Variants in RBFOX1 observed in about 807,000 individuals in gnomAD.
RBFOX1 encodes the protein RNA binding protein fox-1 homolog 1.
RBFOX1 carries 8 observed loss-of-function variants against 57.7 expected under a neutral mutation model. The observed-to-expected ratio is 0.14, with a 90% CI of 0.08 to 0.25. The LOEUF is 0.25. Among genes scored for constraint, RBFOX1 ranks in the 10% least tolerant of loss-of-function variants. The pLI, the probability that RBFOX1 is intolerant of heterozygous loss-of-function variation, is 1.00. For synonymous variants in RBFOX1, 326 were observed against 222.4 expected, an observed-to-expected ratio of 1.47 and a Z score of -4.15; for missense variants, 611 against 548.5, an observed-to-expected ratio of 1.11 and a Z score of -1.14.
At chr16:7,681,500 C>T (rs570048217) in intron 14 of RBFOX1, among the ~76,000 whole-genome samples, 22 of 152,212 alleles carry the variant, frequency 1.4e-4, no homozygotes, top group East Asian at 1.4e-3. Context: ...TAGAGAAAGG[C>T]TGTCATGAAA....
At position 5,792,145 on chromosome 16, in the gene RBFOX1, G is replaced by A. The variant is rs2054723731; in HGVS notation, c.319-75158G>A. Among the ~76,000 whole-genome samples the A allele has an allele frequency of 2.0e-5, 3 of 152,328 alleles. No individual in the cohort carries two copies. In the South Asian group the frequency reaches 6.2e-4, roughly 32 times the overall value. ...AGTGATTTTAAAGCCCGGGACCCCA[G>A]TCTAAGGGGCTGATAAAAGAGAACC... On this transcript the variant is annotated intron_variant, in intron 3 of 19. Transcript: ENST00000641259.
At chr16:6,963,724 A>C (rs2083484394) in intron 3 of RBFOX1, among the ~76,000 whole-genome samples, 2 of 152,088 alleles carry the variant, frequency 1.3e-5, no homozygotes, top group South Asian at 2.1e-4. Flanking sequence ...TTTGAGATGG[A>C]GTCTTGCTCT....
intron 11 of RBFOX1, among the ~76,000 whole-genome samples, chr16:7,632,986 T>G (rs1362426414): frequency 6.6e-6 from 1 of 152,198 alleles, no homozygotes; most frequent in African/African-American, 2.4e-5. Context: ...ATGAAAATAT[T>G]TCCCAAATTC....
At chr16:7,486,339 G>A (rs2065388720) in intron 4 of RBFOX1, among the ~76,000 whole-genome samples, 1 of 151,726 alleles carries the variant, frequency 6.6e-6, no homozygotes, top group African/African-American at 2.4e-5. Flanking sequence ...CACCATGTTG[G>A]CCAGGCTGGT....
At chr16:7,392,525 G>C (rs927522733) in intron 4 of RBFOX1, among the ~76,000 whole-genome samples, 1 of 152,168 alleles carries the variant, frequency 6.6e-6, no homozygotes, top group African/African-American at 2.4e-5. Context: ...GAGATATTTA[G>C]GGTCAAGGAA....
At position 6,867,634 on chromosome 16, in the gene RBFOX1, G is replaced by A. The variant is rs147030591; in HGVS notation, c.-15-184423G>A. Among the ~76,000 whole-genome samples the A allele has an allele frequency of 5.2e-3, 792 of 152,230 alleles. 7 individuals carry two copies. The highest frequency in any genetic ancestry group is 0.018 in the African/African-American group (739 of 41,544). ...CTTGGGAGGCTCAGGCAGCAGGATC[G>A]CTTGAACCCGGGAGGCAGAGGTTGC... On this transcript the variant is annotated intron_variant, in intron 3 of 15. Coordinates refer to ENST00000550418, the MANE Select transcript of RBFOX1 (RefSeq NM_018723.4).
chr16:5,728,218 C>T (rs982713774), intron 3 of RBFOX1, among the ~76,000 whole-genome samples: 1 of 152,202 alleles, frequency 6.6e-6, no homozygotes, highest in Non-Finnish European at 1.5e-5. Flanking sequence ...TGTCCATTGA[C>T]AGAGAACGAA....
At chr16:7,193,813 A>C (rs533026087) in intron 4 of RBFOX1, among the ~76,000 whole-genome samples, 178 of 152,338 alleles carry the variant, frequency 1.2e-3, no homozygotes, top group Non-Finnish European at 2.3e-3. Flanking sequence ...ATATTATGGT[A>C]ATGTATTTAC....
chr16:6,848,018 C>A (rs2093853491), intron 3 of RBFOX1, among the ~76,000 whole-genome samples: 1 of 151,994 alleles, frequency 6.6e-6, no homozygotes, highest in African/African-American at 2.4e-5. Context: ...TTAATAGAGA[C>A]ACGGGGTCTT....
chr16:7,341,940 G>T (rs556924851), intron 4 of RBFOX1, among the ~76,000 whole-genome samples: 1 of 152,080 alleles, frequency 6.6e-6, no homozygotes, highest in South Asian at 2.1e-4. Flanking sequence ...TGTGGGAGAA[G>T]GTGTTGCTTG....
rs975091942 is a variant in RBFOX1, at chr16:6,895,650, A to G, written c.-15-156407A>G. Among the ~76,000 whole-genome samples the G allele has an allele frequency of 5.3e-5, 8 of 151,708 alleles. No homozygotes were observed. In the East Asian group the frequency reaches 7.8e-4, roughly 15 times the overall value. On this transcript the variant is annotated intron_variant, in intron 3 of 15. Transcript: ENST00000550418. Reference sequence around the variant, plus strand: ...GAGTCATAGATCCTTGACAATGCCAATGTTTTGTGGAAAGGAGGCAAAAGT... The same window carrying G: ...GAGTCATAGATCCTTGACAATGCCAGTGTTTTGTGGAAAGGAGGCAAAAGT...
At chr16:6,166,210 T>C (rs2096915773) in intron 1 of RBFOX1, among the ~76,000 whole-genome samples, 1 of 152,192 alleles carries the variant, frequency 6.6e-6, no homozygotes, top group Non-Finnish European at 1.5e-5. Flanking sequence ...GACCTATTGC[T>C]AAAACGTCTT....
At chr16:7,424,835 G>C (rs1043896966) in intron 4 of RBFOX1, among the ~76,000 whole-genome samples, 4 of 152,068 alleles carry the variant, frequency 2.6e-5, no homozygotes, top group South Asian at 2.1e-4. Flanking sequence ...TTCAGGTTCT[G>C]GGTCTCCCTC....
At chr16:6,416,801 C>T (rs1298659966) in intron 2 of RBFOX1, among the ~76,000 whole-genome samples, 1 of 152,132 alleles carries the variant, frequency 6.6e-6, no homozygotes, top group Non-Finnish European at 1.5e-5. Flanking sequence ...AAACAGGTTG[C>T]AGTGCTGGTA....
chr16:5,445,799 C>G (rs191276753), intron 1 of RBFOX1, among the ~76,000 whole-genome samples: 10 of 152,356 alleles, frequency 6.6e-5, no homozygotes, highest in Non-Finnish European at 1.2e-4. Context: ...GAGGAACATG[C>G]TGACCCATAC....
chr16:7,664,046 T>G (rs1433825358), intron 12 of RBFOX1, among the ~76,000 whole-genome samples: 2 of 152,198 alleles, frequency 1.3e-5, no homozygotes, highest in Non-Finnish European at 2.9e-5. Context: ...ATTGGGCTTG[T>G]TCAATCAAGG....
chr16:6,680,666 A>C (rs1028886742), intron 3 of RBFOX1, among the ~76,000 whole-genome samples: 3 of 152,172 alleles, frequency 2.0e-5, no homozygotes, highest in African/African-American at 7.2e-5. Flanking sequence ...GTTTTCCACT[A>C]TCAAAGTTTA....
chr16:5,902,751 T>C (rs1260207909), intron 4 of RBFOX1, among the ~76,000 whole-genome samples: 1 of 152,044 alleles, frequency 6.6e-6, no homozygotes, highest in Admixed American at 6.6e-5. Flanking sequence ...CCTTCATCAA[T>C]CTCTTATTCT....
intron 14 of RBFOX1, among the ~76,000 whole-genome samples, chr16:7,704,561 C>T (rs1309711520): frequency 6.6e-6 from 1 of 152,176 alleles, no homozygotes; most frequent in Non-Finnish European, 1.5e-5. Context: ...CTTTGTCTTG[C>T]TGCCTCCTCT....
Sources: allele counts gnomAD v4.1 joint callset (sites outside exome capture counted in the v4.1 genomes callset), GRCh38; gene constraint gnomAD v4.1.1; transcripts MANE v1.5; gene names NCBI Gene and HGNC (gene_info 2026-07-23, HGNC 2026-07-21).